The following CHRNA1 variants were observed in gnomAD, a reference collection of about 807,000 sequenced individuals.
CHRNA1 encodes acetylcholine receptor subunit alpha.
Under a neutral mutation model 47.1 loss-of-function variants are expected in CHRNA1, and 35 were observed. That is an observed-to-expected ratio of 0.74 (90% CI 0.57 to 0.99). The LOEUF is 0.99. CHRNA1 is among the 50% of genes least tolerant of loss of function. The pLI is 0.00. For missense variants in CHRNA1, 506 were observed against 591.1 expected (o/e 0.86, Z 1.49); for synonymous variants, 229 against 223.6 (o/e 1.02, Z -0.22).
intron 4 of CHRNA1, among the ~76,000 whole-genome samples, chr2:174,755,480 C>G (rs1201435752): frequency 1.3e-5 from 2 of 151,136 alleles, no homozygotes; most frequent in African/African-American, 2.4e-5. Context: ...AGTGCAGTGG[C>G]GTGATATCGG....
In CHRNA1 at chr2:174,764,218, G is replaced by C. The variant is rs1351127121; in HGVS notation, c.43+134C>G. On this transcript the variant is annotated intron_variant, in intron 1 of 8. Transcript: ENST00000348749. The stretch of plus-strand genomic sequence containing the variant: ...ATCAAGCTAACATCAGGAAGAAACT[G>C]ACAGAGCAGCCCCTGGTTGGGGAGG... The C allele has an allele frequency of 5.6e-6, 5 of 898,218 alleles. No homozygotes were observed. In the East Asian group the frequency reaches 1.3e-4, roughly 24 times the overall value. 55.6% of individuals were successfully genotyped at this position (898,218 alleles called of 1,614,324 possible).
intron 1 of CHRNA1, 91 bp from the exon 2 acceptor site, chr2:174,759,724 C>T: frequency 6.5e-7 from 1 of 1,538,846 alleles, no homozygotes; most frequent in Non-Finnish European, 8.8e-7. Context: ...GAGGCATAAG[C>T]CTCAGTTCCT....
At chr2:174,757,433 G>C (rs1684000756) in intron 4 of CHRNA1, 133 bp downstream of exon 4, 1 of 685,856 alleles carries the variant, frequency 1.5e-6, no homozygotes. Flanking sequence ...TGAGTTTACA[G>C]GTGTGAGCCA....
At chr2:174,754,917 G>A (rs1237543436) in intron 4 of CHRNA1, among the ~76,000 whole-genome samples, 2 of 125,812 alleles carry the variant, frequency 1.6e-5, no homozygotes, top group East Asian at 2.2e-4. Context: ...ATGGAATCTC[G>A]CTTTGTCACC....
intron 1 of CHRNA1, among the ~76,000 whole-genome samples, chr2:174,761,949 T>G (rs1684108752): frequency 6.6e-6 from 1 of 152,176 alleles, no homozygotes; most frequent in Non-Finnish European, 1.5e-5. Flanking sequence ...TCACTCCAGT[T>G]TGACAGGAAG....
At chr2:174,760,305 A>G (rs552586513) in intron 1 of CHRNA1, among the ~76,000 whole-genome samples, 76 of 152,364 alleles carry the variant, frequency 5.0e-4, no homozygotes, top group African/African-American at 1.8e-3. Flanking sequence ...GTGTCCATCA[A>G]CAGGTAAATG....
intron 4 of CHRNA1, among the ~76,000 whole-genome samples, chr2:174,757,213 C>G (rs1330968273): frequency 3.3e-5 from 5 of 152,158 alleles, no homozygotes; most frequent in Admixed American, 3.3e-4. Context: ...CAAATGTCCC[C>G]CACCCTCAGC....
At chr2:174,756,900 C>T (rs899686386) in intron 4 of CHRNA1, among the ~76,000 whole-genome samples, 4 of 152,118 alleles carry the variant, frequency 2.6e-5, no homozygotes, top group Non-Finnish European at 5.9e-5. Flanking sequence ...CTTTTTGAAA[C>T]GAGCATTTCC....
intron 4 of CHRNA1, among the ~76,000 whole-genome samples, chr2:174,754,978 C>T (rs1352196420): frequency 1.3e-5 from 2 of 151,276 alleles, no homozygotes; most frequent in Non-Finnish European, 2.9e-5. Flanking sequence ...CTCCACCTCC[C>T]GGGCTCAAGC....
In CHRNA1 at chr2:174,753,696, C is replaced by T; in HGVS notation, c.585G>A (p.Glu195=). The change falls in exon 6 of 9, where the codon GAG becomes GAA. Residue 195 remains glutamate, a synonymous_variant. Coordinates refer to ENST00000348749, the MANE Select transcript of CHRNA1 (RefSeq NM_000079.4). The part of the protein sequence containing the change: ...PDLSNFMESG[E]WVIKESRGWK... ...AGCCCCGGGACTCCTTGATCACCCA[C>T]TCCCCGCTCTCCATGAAGTTGCTCA... 2.5e-6 allele frequency: 4 copies of T among 1,614,096 alleles called. No homozygotes were observed. Among genetic ancestry groups the T allele is most frequent in the Non-Finnish European group, 3.4e-6 (4 of 1,180,020 alleles).
chr2:174,756,742 C>A (rs1683986673), intron 4 of CHRNA1, among the ~76,000 whole-genome samples: 1 of 152,206 alleles, frequency 6.6e-6, no homozygotes, highest in Admixed American at 6.5e-5. Flanking sequence ...AAAGGCCCGC[C>A]TTAAAAGGTA....
At chr2:174,758,706 C>G (rs556893052) in intron 3 of CHRNA1, among the ~76,000 whole-genome samples, 1 of 152,120 alleles carries the variant, frequency 6.6e-6, no homozygotes, top group Non-Finnish European at 1.5e-5. Flanking sequence ...GCTATGGGTT[C>G]AATTGTGTCC....
chr2:174,756,831 A>G (rs1683988406), intron 4 of CHRNA1, among the ~76,000 whole-genome samples: 1 of 152,174 alleles, frequency 6.6e-6, no homozygotes, highest in African/African-American at 2.4e-5. Context: ...CACATGTTGT[A>G]TAATGTCAGA....
At chr2:174,763,058 G>T (rs1684126234) in intron 1 of CHRNA1, among the ~76,000 whole-genome samples, 1 of 152,146 alleles carries the variant, frequency 6.6e-6, no homozygotes, top group South Asian at 2.1e-4. Flanking sequence ...GGGCAGGTCA[G>T]CTTTAGTTTC....
rs1203822897 is a variant in CHRNA1 at position 174,748,571 on chromosome 2, G to A, written c.1242+9C>T. 1.2e-6 allele frequency: 2 copies of A among 1,609,106 alleles called. No individual in the cohort carries two copies. Among genetic ancestry groups the A allele is most frequent in the South Asian group, 1.1e-5 (1 of 90,950 alleles). On this transcript the variant is annotated intron_variant, in intron 8 of 8. Coordinates refer to ENST00000348749, the MANE Select transcript of CHRNA1 (RefSeq NM_000079.4). ...CCCAGAGGCATGAATTTCAAGCCAC[G>A]AAGCTTACATTGTTAGACTCCTGGT...
At chr2:174,764,279 CTT>C in intron 1 of CHRNA1, 71 bp downstream of exon 1, 1 of 1,513,478 alleles carries the variant, frequency 6.6e-7, no homozygotes, top group African/African-American at 1.4e-5. Flanking sequence ...AGAAGCAAGA[CTT>C]TGATTTGGGG....
intron 6 of CHRNA1, 25 bp downstream of exon 6, chr2:174,753,478 C>G (rs1683898800): frequency 6.3e-7 from 1 of 1,596,288 alleles, no homozygotes. Context: ...GCGTCAGCAG[C>G]AGCAGTCATG....
intron 3 of CHRNA1, 184 bp from the exon 4 acceptor site, chr2:174,757,859 G>A (rs1386701136): frequency 2.7e-5 from 25 of 940,804 alleles, no homozygotes; most frequent in East Asian, 1.8e-4. Flanking sequence ...TAGCACTGAC[G>A]ACGTGCTCAC....
At chr2:174,757,303 C>A (rs1170393507) in intron 4 of CHRNA1, among the ~76,000 whole-genome samples, 1 of 151,394 alleles carries the variant, frequency 6.6e-6, no homozygotes. Context: ...GTCAACTTGG[C>A]TCTTGGTTTA....
Sources: gnomAD v4.1 joint callset for allele counts (sites outside exome capture counted in the v4.1 genomes callset) on GRCh38, gnomAD v4.1.1 for gene constraint, MANE v1.5 for transcripts, NCBI Gene and HGNC (gene_info 2026-07-23, HGNC 2026-07-21) for gene names.